Variants in UBE2B observed in about 807,000 individuals in gnomAD.
The protein encoded by UBE2B is ubiquitin conjugating enzyme E2 B, also known as ubiquitin-conjugating enzyme E2 B.
Under a neutral mutation model 24.6 loss-of-function variants are expected in UBE2B, and 11 were observed. That is an observed-to-expected ratio of 0.45 (90% CI 0.28 to 0.74). The LOEUF (loss-of-function observed/expected upper bound fraction) is 0.74. Ranked by LOEUF, UBE2B falls within the 30% of genes least tolerant of loss-of-function variation. The pLI is 0.13. For synonymous variants in UBE2B, 68 were observed against 62.4 expected (o/e 1.09, Z -0.42); for missense variants, 78 against 185.6 (o/e 0.42, Z 3.37).
intron 2 of UBE2B, among the ~76,000 whole-genome samples, chr5:134,375,672 G>A (rs1039878642): frequency 2.6e-5 from 4 of 151,842 alleles, no homozygotes; most frequent in South Asian, 2.1e-4. Flanking sequence ...GGTGGCGGGC[G>A]CCTGTAGTCC....
At chr5:134,374,612 CA>C in intron 2 of UBE2B, 149 bp downstream of exon 2, 3 of 936,000 alleles carry the variant, frequency 3.2e-6, no homozygotes, top group Non-Finnish European at 4.9e-6. Flanking sequence ...AAAAATATTT[CA>C]ATTAGAGTTT....
rs1758563966 is a variant in UBE2B at position 134,374,398 on chromosome 5, A to C, written c.60A>C (p.Pro20=). Residue 20 remains proline (P), a synonymous_variant, in exon 2 of 6, where the codon CCA becomes CCC. Transcript: ENST00000265339. ...MRDFKRLQED[P]PVGVSGAPSE... ...GGATTTCCAGGTTACAAGAGGACCC[A>C]CCTGTGGGTGTCAGTGGCGCACCAT... 2 of 1,555,324 alleles carry C rather than the reference A, an allele frequency of 1.3e-6. No homozygotes were observed. The highest frequency in any genetic ancestry group is 3.9e-5 in the Admixed American group (2 of 51,398).
At chr5:134,373,522 G>C (rs569039040) in intron 1 of UBE2B, among the ~76,000 whole-genome samples, 1 of 152,048 alleles carries the variant, frequency 6.6e-6, no homozygotes, top group African/African-American at 2.4e-5. Context: ...TAGGGTACAT[G>C]TGCACAACGT....
chr5:134,372,141 G>T (rs1484503072), intron 1 of UBE2B, among the ~76,000 whole-genome samples: 1 of 152,212 alleles, frequency 6.6e-6, no homozygotes, highest in African/African-American at 2.4e-5. Context: ...TGAGGGTGGG[G>T]TCCAGTGCGT....
At chr5:134,374,696 T>A (rs34229417) in intron 2 of UBE2B, 2 of 491,300 alleles carry the variant, frequency 4.1e-6, no homozygotes, top group East Asian at 7.9e-5. Flanking sequence ...CTGGGCGATA[T>A]AGTGAGACAG....
At chr5:134,385,519 A>T (rs563843052) in intron 4 of UBE2B, 31 of 152,198 alleles carry the variant, frequency 2.0e-4, no homozygotes, top group Admixed American at 1.4e-3. Flanking sequence ...ACTTCTAGAA[A>T]TTTTTTCTAC....
chr5:134,374,945 T>TC (rs1008297518), intron 2 of UBE2B, among the ~76,000 whole-genome samples: 54 of 150,226 alleles, frequency 3.6e-4, no homozygotes, highest in African/African-American at 1.3e-3. Context: ...AGATCCTGTA[T>TC]CAAAAAAAAA....
Position 134,381,266 on chromosome 5 carries a change from T to C in UBE2B, c.241+458T>C, listed in dbSNP as rs1047784072. Among the ~76,000 whole-genome samples, 5 of 152,094 alleles carry C rather than the reference T, an allele frequency of 3.3e-5. No homozygotes were observed. The South Asian group carries it at 6.2e-4, about 19-fold the overall frequency. On this transcript the variant is annotated intron_variant, in intron 4 of 5. Coordinates refer to ENST00000265339, the MANE Select transcript of UBE2B (RefSeq NM_003337.4). ...TTGTGGATTTTTGGTTTGTTTCTTA[T>C]TTCTTCAGAGACAAAGTTATACTCT... is the stretch of plus-strand genomic sequence containing the variant.
chr5:134,380,927 T>G lies in UBE2B; in HGVS notation c.241+119T>G, dbSNP rs1758697415. 6.8e-6 allele frequency: 4 copies of G among 587,892 alleles called. No individual in the cohort carries two copies. The Admixed American group carries it at 1.2e-4, about 18-fold the overall frequency. 36.4% of individuals were successfully genotyped at this position (587,892 alleles called of 1,614,324 possible). A position where few individuals can be genotyped will look rare whatever the true frequency, so the allele number is the denominator to read the frequency against. ...CTCACTTGTAGGTGTTGCTTCCATG[T>G]CCATGTGAGCCACGTATTTTGTTGT... On this transcript the variant is annotated intron_variant, in intron 4 of 5. Transcript: ENST00000265339.
intron 3 of UBE2B, among the ~76,000 whole-genome samples, chr5:134,379,829 A>G (rs1406403752): frequency 6.6e-6 from 1 of 152,162 alleles, no homozygotes; most frequent in Non-Finnish European, 1.5e-5. Context: ...ACAGTTGCAA[A>G]TATGTAAAAC....
chr5:134,386,175 A>C (rs1758797895), intron 4 of UBE2B, among the ~76,000 whole-genome samples: 1 of 147,938 alleles, frequency 6.8e-6, no homozygotes, highest in Non-Finnish European at 1.5e-5. Context: ...AAAAATACAA[A>C]AATTAGCTGG....
intron 3 of UBE2B, among the ~76,000 whole-genome samples, chr5:134,378,057 C>A (rs1189717879): frequency 1.3e-5 from 2 of 151,960 alleles, no homozygotes; most frequent in Non-Finnish European, 2.9e-5. Flanking sequence ...GTGGTACATG[C>A]CTTTAGTCCC....
chr5:134,383,183 T>TA (rs1371950250), intron 4 of UBE2B, among the ~76,000 whole-genome samples: 1 of 152,178 alleles, frequency 6.6e-6, no homozygotes, highest in Non-Finnish European at 1.5e-5. Context: ...AATATTCTGA[T>TA]ACATCATTTT....
intron 3 of UBE2B, 53 bp from the exon 4 acceptor site, chr5:134,380,666 G>T: frequency 9.6e-7 from 1 of 1,041,718 alleles, no homozygotes; most frequent in South Asian, 1.3e-5. Flanking sequence ...AACTGATGAA[G>T]AGATTAAAAA....
intron 4 of UBE2B, among the ~76,000 whole-genome samples, chr5:134,385,435 C>G (rs901738768): frequency 2.6e-5 from 4 of 152,198 alleles, no homozygotes; most frequent in African/African-American, 9.7e-5. Flanking sequence ...TCCCCACTCT[C>G]TGTTATGGTT....
At chr5:134,377,666 A>G (rs1188730067) in intron 3 of UBE2B, among the ~76,000 whole-genome samples, 1 of 152,006 alleles carries the variant, frequency 6.6e-6, no homozygotes, top group Non-Finnish European at 1.5e-5. Context: ...TTTTTTCTCT[A>G]CATCAAGGGT....
At chr5:134,378,182 C>T (rs918179679) in intron 3 of UBE2B, among the ~76,000 whole-genome samples, 11 of 152,088 alleles carry the variant, frequency 7.2e-5, no homozygotes, top group African/African-American at 2.4e-4. Context: ...AAAAAGTTAC[C>T]AATTTTTCTT....
chr5:134,374,640 T>A, intron 2 of UBE2B, 177 bp downstream of exon 2: 1 of 672,068 alleles, frequency 1.5e-6, no homozygotes, highest in Non-Finnish European at 2.5e-6. Flanking sequence ...AGCACAGTAG[T>A]AGCTCAACGC....
intron 5 of UBE2B, among the ~76,000 whole-genome samples, chr5:134,389,539 CTTTTCTT>C (rs924943184): frequency 1.3e-5 from 2 of 149,754 alleles, no homozygotes; most frequent in Non-Finnish European, 3.0e-5. Flanking sequence ...GTATTTTTTT[CTTTTCTT>C]TTTTCTTTTT....
Sources: allele counts gnomAD v4.1 joint callset (sites outside exome capture counted in the v4.1 genomes callset), GRCh38; gene constraint gnomAD v4.1.1; transcripts MANE v1.5; gene names NCBI Gene and HGNC (gene_info 2026-07-23, HGNC 2026-07-21).